Variants in TMEM132D observed in about 807,000 individuals in gnomAD.
The protein encoded by TMEM132D is transmembrane protein 132D.
Under a neutral mutation model 62.3 loss-of-function variants are expected in TMEM132D, and 21 were observed. The observed-to-expected ratio is 0.34, with a 90% CI of 0.24 to 0.49. The LOEUF (loss-of-function observed/expected upper bound fraction) is 0.49, where lower values mean the gene tolerates loss of function less well. TMEM132D is among the 20% of genes least tolerant of loss of function. The pLI, the probability that TMEM132D is intolerant of heterozygous loss-of-function variation, is 0.99. For missense variants in TMEM132D, 1,346 were observed against 1,402.8 expected, an observed-to-expected ratio of 0.96 and a Z score of 0.65; for synonymous variants, 621 against 575.6, an observed-to-expected ratio of 1.08 and a Z score of -1.13.
rs551709130 is a variant in TMEM132D at position 129,449,023 on chromosome 12, G to A, written c.1115+82036C>T. 5.9e-5 allele frequency among the ~76,000 whole-genome samples: 9 copies of A among 152,266 alleles called. No homozygotes were observed. The South Asian group carries it at 6.2e-4, about 11-fold the overall frequency. On this transcript the variant is annotated intron_variant, in intron 3 of 8. Coordinates refer to ENST00000422113, the MANE Select transcript of TMEM132D (RefSeq NM_133448.3). ...AGGCATCAGTAGTGAATAAGATAACGGTGAAGACTTTGCAGCTCTGCCTTA... is the reference window on the plus strand; with the variant it reads ...AGGCATCAGTAGTGAATAAGATAACAGTGAAGACTTTGCAGCTCTGCCTTA...
At chr12:129,086,201 C>CGCGCGCGCGTGT (rs1349816832) in intron 5 of TMEM132D, among the ~76,000 whole-genome samples, 4 of 141,038 alleles carry the variant, frequency 2.8e-5, no homozygotes, top group African/African-American at 1.1e-4. Context: ...CACGCGCGCG[C>CGCGCGCGCGTGT]GTGTGTGTGT....
intron 2 of TMEM132D, among the ~76,000 whole-genome samples, chr12:129,662,231 A>C (rs549537086): frequency 1.2e-4 from 18 of 152,336 alleles, no homozygotes; most frequent in African/African-American, 3.8e-4. Flanking sequence ...GGTCTTTTTC[A>C]TAGTGAAGAT....
intron 2 of TMEM132D, among the ~76,000 whole-genome samples, chr12:129,547,039 A>G (rs1467197731): frequency 6.6e-6 from 1 of 152,156 alleles, no homozygotes; most frequent in Non-Finnish European, 1.5e-5. Context: ...ACAGTTCAGG[A>G]GGCTAGAAGT....
intron 2 of TMEM132D, among the ~76,000 whole-genome samples, chr12:129,582,226 T>C (rs940785217): frequency 3.9e-5 from 6 of 152,224 alleles, no homozygotes; most frequent in African/African-American, 7.2e-5. Context: ...AAGTCCCTTT[T>C]CCTTCCAGAT....
intron 5 of TMEM132D, among the ~76,000 whole-genome samples, chr12:129,200,226 A>G (rs150016285): frequency 4.1e-4 from 63 of 152,274 alleles, no homozygotes; most frequent in African/African-American, 1.4e-3. Context: ...TTGAAGGATT[A>G]CTATCAAAAT....
intron 5 of TMEM132D, among the ~76,000 whole-genome samples, chr12:129,146,810 A>G (rs1401661766): frequency 6.6e-6 from 1 of 151,896 alleles, no homozygotes; most frequent in Non-Finnish European, 1.5e-5. Flanking sequence ...GGCGCAACAC[A>G]CTCTTCCAAA....
intron 2 of TMEM132D, among the ~76,000 whole-genome samples, chr12:129,624,186 G>A (rs1416401510): frequency 6.6e-6 from 1 of 152,128 alleles, no homozygotes; most frequent in Non-Finnish European, 1.5e-5. Context: ...ATTATCACTT[G>A]ACGAATACAT....
intron 5 of TMEM132D, among the ~76,000 whole-genome samples, chr12:129,162,043 T>C (rs1037518999): frequency 1.3e-5 from 2 of 152,100 alleles, no homozygotes; most frequent in Non-Finnish European, 2.9e-5. Context: ...TCTTGGAGAA[T>C]AATGGGTGAG....
chr12:129,406,434 C>T (rs1158316126), intron 3 of TMEM132D, among the ~76,000 whole-genome samples: 1 of 152,098 alleles, frequency 6.6e-6, no homozygotes, highest in Non-Finnish European at 1.5e-5. Flanking sequence ...ACCTGACTAA[C>T]ATGGTGAAAC....
chr12:129,220,498 G>C (rs192123879), intron 4 of TMEM132D, among the ~76,000 whole-genome samples: 1 of 152,300 alleles, frequency 6.6e-6, no homozygotes, highest in East Asian at 1.9e-4. Context: ...TTTACACAGT[G>C]GAGAGAGCTC....
Position 129,347,544 on chromosome 12 carries a change from T to C in TMEM132D, c.1116-9727A>G, listed in dbSNP as rs149747082. 2.4e-3 allele frequency among the ~76,000 whole-genome samples: 371 copies of C among 152,266 alleles called. 1 individual carries two copies. The highest frequency in any genetic ancestry group is 4.0e-3 in the Non-Finnish European group (275 of 68,020). On this transcript the variant is annotated intron_variant, in intron 3 of 8. Coordinates refer to ENST00000422113, the MANE Select transcript of TMEM132D (RefSeq NM_133448.3). ...AAACCAGACTCCTTCCTTTATACCT[T>C]ATACAAAAATTAACTCAAGGTGGAT...
Position 129,478,058 on chromosome 12 carries a change from C to A in TMEM132D, c.1115+53001G>T, listed in dbSNP as rs2895127. 2.6e-5 allele frequency among the ~76,000 whole-genome samples: 4 copies of A among 152,148 alleles called. 1 individual carries two copies. Among genetic ancestry groups the A allele is most frequent in the African/African-American group, 2.4e-5 (1 of 41,478 alleles). ...CAAGTCTGTACCACACATTACTGTA[C>A]TGAATACAGTAGGCAACACAATGAT... On this transcript the variant is annotated intron_variant, in intron 3 of 8. Coordinates refer to ENST00000422113, the MANE Select transcript of TMEM132D (RefSeq NM_133448.3).
At chr12:129,601,938 T>A (rs1393227844) in intron 2 of TMEM132D, among the ~76,000 whole-genome samples, 1 of 152,124 alleles carries the variant, frequency 6.6e-6, no homozygotes, top group African/African-American at 2.4e-5. Flanking sequence ...AGGGTTGCCA[T>A]AAACCTTCAA....
chr12:129,186,376 C>G (rs1878222652), intron 5 of TMEM132D, among the ~76,000 whole-genome samples: 1 of 152,208 alleles, frequency 6.6e-6, no homozygotes, highest in Non-Finnish European at 1.5e-5. Flanking sequence ...TCATCCCTCC[C>G]AGGCCCCCTG....
chr12:129,815,692 G>C (rs954797924), intron 1 of TMEM132D, among the ~76,000 whole-genome samples: 1 of 152,110 alleles, frequency 6.6e-6, no homozygotes. Flanking sequence ...CTGTCTGAAT[G>C]CTCCCCCGGT....
chr12:129,687,154 C>T (rs895479239), intron 2 of TMEM132D, among the ~76,000 whole-genome samples: 1 of 152,144 alleles, frequency 6.6e-6, no homozygotes, highest in Non-Finnish European at 1.5e-5. Context: ...TGAGCTACGG[C>T]ACCTGTCTCT....
chr12:129,692,336 C>G (rs559958271), intron 2 of TMEM132D, among the ~76,000 whole-genome samples: 13 of 152,106 alleles, frequency 8.5e-5, no homozygotes, highest in Non-Finnish European at 1.3e-4. Context: ...GAAGAAAGAT[C>G]GTATGATTAT....
intron 2 of TMEM132D, among the ~76,000 whole-genome samples, chr12:129,667,524 CA>C (rs1311730002): frequency 6.6e-6 from 1 of 152,014 alleles, no homozygotes; most frequent in Non-Finnish European, 1.5e-5. Flanking sequence ...TCATTTTGGC[CA>C]AATGAATGAC....
At chr12:129,671,223 T>C (rs1485200393) in intron 2 of TMEM132D, among the ~76,000 whole-genome samples, 1 of 152,216 alleles carries the variant, frequency 6.6e-6, no homozygotes, top group East Asian at 1.9e-4. Context: ...CTTTTCACCT[T>C]CAGGAACTTG....
Sources: gnomAD v4.1 joint callset for allele counts (sites outside exome capture counted in the v4.1 genomes callset) on GRCh38, gnomAD v4.1.1 for gene constraint, MANE v1.5 for transcripts, NCBI Gene and HGNC (gene_info 2026-07-23, HGNC 2026-07-21) for gene names.